Variants in PCDH15 observed in about 807,000 individuals in gnomAD.
PCDH15 encodes the protein protocadherin related 15.
A neutral mutation model predicts 178.5 loss-of-function variants in PCDH15; 129 were observed. The ratio of observed to expected loss-of-function variants is 0.72; its 90% CI spans 0.63 to 0.84. The LOEUF (loss-of-function observed/expected upper bound fraction) is 0.84, where lower values mean the gene tolerates loss of function less well. PCDH15 is among the 40% of genes least tolerant of loss of function. PCDH15 has a pLI of 0.00. For synonymous variants in PCDH15, 800 were observed against 732.0 expected (o/e 1.09, Z -1.50); for missense variants, 2,230 against 2,099.9 (o/e 1.06, Z -1.21).
intron 2 of PCDH15, among the ~76,000 whole-genome samples, chr10:54,911,971 G>A (rs1328840585): frequency 1.3e-5 from 2 of 151,968 alleles, no homozygotes; most frequent in African/African-American, 2.4e-5. Flanking sequence ...AACATCCATT[G>A]GTCTTTAACT....
At chr10:53,859,539 G>A (rs74965826) in intron 27 of PCDH15, among the ~76,000 whole-genome samples, 2,127 of 152,066 alleles carry the variant, frequency 0.014, 24 homozygotes, top group Middle Eastern at 0.031. Flanking sequence ...TTACAGATCC[G>A]TACTATTAGT....
intron 23 of PCDH15, among the ~76,000 whole-genome samples, chr10:53,945,182 T>A (rs1308376599): frequency 6.6e-6 from 1 of 152,224 alleles, no homozygotes; most frequent in Non-Finnish European, 1.5e-5. Context: ...AAAATGTTAT[T>A]GAGAAATAAA....
At chr10:55,260,678 T>C (rs1842126221) in intron 1 of PCDH15, among the ~76,000 whole-genome samples, 2 of 152,182 alleles carry the variant, frequency 1.3e-5, no homozygotes, top group South Asian at 4.1e-4. Context: ...TAGGTAATAT[T>C]ACAGGATGTT....
At chr10:54,024,376 A>G (rs2093018971) in intron 18 of PCDH15, among the ~76,000 whole-genome samples, 1 of 152,152 alleles carries the variant, frequency 6.6e-6, no homozygotes, top group Non-Finnish European at 1.5e-5. Context: ...TGAGCCAGGG[A>G]CACAAAAATC....
rs142174369 is a variant in PCDH15 at position 53,862,128 on chromosome 10, A to T, written c.3717+4514T>A. 8.2e-3 allele frequency among the ~76,000 whole-genome samples: 1,248 copies of T among 151,952 alleles called. 5 individuals are homozygous for T. The highest frequency in any genetic ancestry group is 0.015 in the Admixed American group (221 of 15,230). Reference sequence around the variant, plus strand: ...TGCAAATGGCGTGATCTCAGCTCACAGAAACCTCTGCCTCCTGGGTTCAAG... The same window carrying T: ...TGCAAATGGCGTGATCTCAGCTCACTGAAACCTCTGCCTCCTGGGTTCAAG... On this transcript the variant is annotated intron_variant, in intron 27 of 37. Transcript: ENST00000644397.
intron 3 of PCDH15, among the ~76,000 whole-genome samples, chr10:54,525,032 T>C (rs1004103951): frequency 2.0e-5 from 3 of 152,212 alleles, no homozygotes; most frequent in Non-Finnish European, 2.9e-5. Context: ...ACTTGACATA[T>C]ATATTCACAA....
At chr10:55,423,469 G>A (rs1838674379) in intron 2 of PCDH15, among the ~76,000 whole-genome samples, 1 of 151,836 alleles carries the variant, frequency 6.6e-6, no homozygotes, top group Non-Finnish European at 1.5e-5. Context: ...ACAAATGGTT[G>A]AGGAAAACCA....
chr10:54,157,217 C>T (rs2045248616), intron 13 of PCDH15, among the ~76,000 whole-genome samples: 1 of 152,234 alleles, frequency 6.6e-6, no homozygotes, highest in South Asian at 2.1e-4. Flanking sequence ...CATTTCCCTT[C>T]TGCACTGCCC....
intron 2 of PCDH15, among the ~76,000 whole-genome samples, chr10:55,545,713 G>A (rs1841865665): frequency 6.6e-6 from 1 of 152,156 alleles, no homozygotes; most frequent in Admixed American, 6.6e-5. Context: ...GCCCAGCCAA[G>A]ATGCTCAGTT....
chr10:53,956,923 C>T lies in PCDH15; in HGVS notation c.3122+2809G>A, dbSNP rs189176020. Among the ~76,000 whole-genome samples the T allele has an allele frequency of 9.9e-4, 151 of 152,218 alleles. 1 individual carries two copies. The highest frequency in any genetic ancestry group is 3.6e-3 in the African/African-American group (149 of 41,546). On this transcript the variant is annotated intron_variant, in intron 23 of 37. Coordinates refer to ENST00000644397, the MANE Select transcript of PCDH15 (RefSeq NM_001384140.1). Reference sequence around the variant, plus strand: ...AGACGGTATGAAATGGTAAATTATACGTTGAACAACACATTCGCATTTTTA... The same window carrying T: ...AGACGGTATGAAATGGTAAATTATATGTTGAACAACACATTCGCATTTTTA...
intron 1 of PCDH15, among the ~76,000 whole-genome samples, chr10:54,796,282 G>GTATGTATCTATC (rs1951988996): frequency 7.9e-6 from 1 of 126,342 alleles, no homozygotes; most frequent in African/African-American, 3.1e-5. Context: ...ATGTATCTAT[G>GTATGTATCTATC]TATCTATCTA....
intron 1 of PCDH15, among the ~76,000 whole-genome samples, chr10:54,709,106 A>C (rs998741358): frequency 3.9e-5 from 6 of 152,094 alleles, no homozygotes; most frequent in Admixed American, 3.9e-4. Context: ...ATCTTCTTTC[A>C]TTCCAAAGAA....
intron 16 of PCDH15, among the ~76,000 whole-genome samples, chr10:54,088,614 A>G (rs2094551651): frequency 6.6e-6 from 1 of 152,200 alleles, no homozygotes; most frequent in South Asian, 2.1e-4. Flanking sequence ...CTCAAAATGT[A>G]CTGACTAATC....
At chr10:54,652,668 G>A (rs1273887026) in intron 2 of PCDH15, among the ~76,000 whole-genome samples, 1 of 152,168 alleles carries the variant, frequency 6.6e-6, no homozygotes, top group African/African-American at 2.4e-5. Flanking sequence ...CATCACGGGT[G>A]TGCCTGTACA....
Position 54,859,537 on chromosome 10 carries a change from A to G in PCDH15, c.-29+37913T>C, listed in dbSNP as rs1160294198. Among the ~76,000 whole-genome samples, 8 of 152,110 alleles carry G rather than the reference A, an allele frequency of 5.3e-5. No individual in the cohort carries two copies. The East Asian group carries it at 1.6e-3, about 30-fold the overall frequency. On this transcript the variant is annotated intron_variant, in intron 3 of 5. Transcript: ENST00000458638. The stretch of plus-strand genomic sequence containing the variant: ...CTAAAAAATAATTGCCTAACTCCAG[A>G]GTACTGCTTTATAGCTCATCTCCTT...
intron 17 of PCDH15, among the ~76,000 whole-genome samples, chr10:54,071,616 T>C (rs1270229597): frequency 1.3e-5 from 2 of 152,186 alleles, no homozygotes; most frequent in East Asian, 1.9e-4. Flanking sequence ...TATTAGATGA[T>C]TGAAATTCAA....
rs551201527 is a variant in PCDH15, at chr10:54,037,911, C to G, written c.2221-14714G>C. ...TGGTTTGCCCAGAGGAAACATTACT[C>G]CTGCTACTTTCATAAAGACTGATTG... On this transcript the variant is annotated intron_variant, in intron 18 of 37. Transcript: ENST00000644397. Among the ~76,000 whole-genome samples the G allele has an allele frequency of 8.5e-5, 13 of 152,066 alleles. No individual in the cohort carries two copies. In the South Asian group the frequency reaches 2.5e-3, roughly 29 times the overall value.
At chr10:54,817,990 C>A (rs1184107522) in intron 3 of PCDH15, among the ~76,000 whole-genome samples, 1 of 151,946 alleles carries the variant, frequency 6.6e-6, no homozygotes, top group East Asian at 1.9e-4. Flanking sequence ...ATGTTTAATT[C>A]TTCTTTATAA....
intron 2 of PCDH15, among the ~76,000 whole-genome samples, chr10:55,128,825 A>G (rs950905429): frequency 6.6e-6 from 1 of 151,788 alleles, no homozygotes; most frequent in African/African-American, 2.4e-5. Flanking sequence ...TTCAACCAAC[A>G]CTTTCAAGAA....
Sources: gnomAD v4.1 joint callset for allele counts (sites outside exome capture counted in the v4.1 genomes callset) on GRCh38, gnomAD v4.1.1 for gene constraint, MANE v1.5 for transcripts, NCBI Gene and HGNC (gene_info 2026-07-23, HGNC 2026-07-21) for gene names.